Variants in ZDHHC11B observed in about 807,000 individuals in gnomAD.
ZDHHC11B encodes the protein probable palmitoyltransferase ZDHHC11B.
A neutral mutation model predicts 42.3 loss-of-function variants in ZDHHC11B; 17 were observed. The observed-to-expected ratio is 0.40, with a 90% CI of 0.27 to 0.60. The LOEUF (loss-of-function observed/expected upper bound fraction) is 0.60, where lower values mean the gene tolerates loss of function less well. Ranked by LOEUF, ZDHHC11B falls within the 20% of genes least tolerant of loss-of-function variation. The pLI is 0.41. For missense variants in ZDHHC11B, 262 were observed against 463.2 expected, an observed-to-expected ratio of 0.57 and a Z score of 3.99; for synonymous variants, 123 against 193.5, an observed-to-expected ratio of 0.64 and a Z score of 3.02.
At chr5:724,365 C>T (rs893283482) in intron 12 of ZDHHC11B, among the ~76,000 whole-genome samples, 7,375 of 121,506 alleles carry the variant, frequency 0.061, 139 homozygotes, top group East Asian at 0.15. Context: ...CCATCAAACC[C>T]AGCTAATTTT....
At chr5:719,838 G>T (rs1742051953) in intron 12 of ZDHHC11B, among the ~76,000 whole-genome samples, 1 of 151,722 alleles carries the variant, frequency 6.6e-6, no homozygotes, top group African/African-American at 2.4e-5. Flanking sequence ...ATATTAAATG[G>T]AAAATTCCAG....
At position 711,272 on chromosome 5, in the gene ZDHHC11B, C is replaced by T. The variant is rs1211315784; in HGVS notation, c.*1018G>A. On this transcript the variant is annotated 3_prime_UTR_variant, in exon 14 of 14. Transcript: ENST00000508859. ...CTCCCATTTCCTAGTGCTGTGAACTCCCATTTCCCAGTACTGTGCTCCCAA... is the reference window on the plus strand; with the variant it reads ...CTCCCATTTCCTAGTGCTGTGAACTTCCATTTCCCAGTACTGTGCTCCCAA... The T allele has an allele frequency of 6.4e-6, 1 of 155,048 alleles. No individual in the cohort carries two copies. Among genetic ancestry groups the T allele is most frequent in the Non-Finnish European group, 1.4e-5 (1 of 69,312 alleles). 9.6% of individuals were successfully genotyped at this position (155,048 alleles called of 1,614,324 possible). A position where few individuals can be genotyped will look rare whatever the true frequency, so the allele number is the denominator to read the frequency against.
chr5:738,883 T>C (rs1743829559), intron 10 of ZDHHC11B, among the ~76,000 whole-genome samples: 1 of 151,032 alleles, frequency 6.6e-6, no homozygotes, highest in African/African-American at 2.4e-5. Flanking sequence ...AAAGAGCTCA[T>C]GACGAAGAAT....
At chr5:764,598 C>T (rs898900753) in intron 4 of ZDHHC11B, among the ~76,000 whole-genome samples, 4 of 151,930 alleles carry the variant, frequency 2.6e-5, no homozygotes, top group South Asian at 2.1e-4. Context: ...TGCCTCCCTG[C>T]GGGGCAGGGC....
chr5:734,021 C>G (rs7732653), intron 10 of ZDHHC11B, among the ~76,000 whole-genome samples, 182 bp from the exon 11 acceptor site: 9 of 144,172 alleles, frequency 6.2e-5, no homozygotes, highest in African/African-American at 2.4e-4. Context: ...TGCAGTGGCA[C>G]ACGTAAGAAG....
At chr5:776,580 G>A (rs753092891) in intron 1 of ZDHHC11B, among the ~76,000 whole-genome samples, 3 of 151,832 alleles carry the variant, frequency 2.0e-5, no homozygotes, top group Non-Finnish European at 2.9e-5. Context: ...ACAGCTCTCA[G>A]CTCGAGACCC....
intron 1 of ZDHHC11B, among the ~76,000 whole-genome samples, chr5:774,575 G>A (rs1321571524): frequency 2.8e-5 from 1 of 35,488 alleles, no homozygotes; most frequent in Non-Finnish European, 6.7e-5. Flanking sequence ...TACGGCCTGG[G>A]GTCTGTCACT....
In ZDHHC11B at chr5:739,106, A is replaced by C. The variant is rs1312837145; in HGVS notation, c.935+2488T>G. Among the ~76,000 whole-genome samples the C allele has an allele frequency of 8.8e-4, 132 of 150,488 alleles. 5 individuals carry two copies. Among genetic ancestry groups the C allele is most frequent in the African/African-American group, 2.8e-3 (112 of 40,444 alleles). On this transcript the variant is annotated intron_variant, in intron 10 of 13. Coordinates refer to ENST00000508859, the MANE Select transcript of ZDHHC11B (RefSeq NM_001351303.2). ...ACTCAAACAAATCCGCAAAAAAAAAACAAATCATCCAATTGGGTGTGGTGG... is the reference window on the plus strand; with the variant it reads ...ACTCAAACAAATCCGCAAAAAAAAACCAAATCATCCAATTGGGTGTGGTGG...
At chr5:744,081 A>G (rs1415133304) in intron 9 of ZDHHC11B, among the ~76,000 whole-genome samples, 1 of 149,844 alleles carries the variant, frequency 6.7e-6, no homozygotes. Context: ...ATTGATTGGC[A>G]TGATTGCGTG....
chr5:730,830 C>T (rs1272187783), intron 11 of ZDHHC11B, among the ~76,000 whole-genome samples: 3 of 151,858 alleles, frequency 2.0e-5, no homozygotes, highest in South Asian at 2.1e-4. Flanking sequence ...GAGATTATAA[C>T]AAAGACACAG....
intron 4 of ZDHHC11B, among the ~76,000 whole-genome samples, chr5:756,476 G>C (rs1265739064): frequency 1.3e-5 from 2 of 151,730 alleles, no homozygotes; most frequent in Admixed American, 1.3e-4. Context: ...GTGCCAGTCG[G>C]GGACCGGGAA....
intron 12 of ZDHHC11B, among the ~76,000 whole-genome samples, chr5:728,512 C>T (rs1742761340): frequency 6.6e-6 from 1 of 151,868 alleles, no homozygotes; most frequent in South Asian, 2.1e-4. Context: ...GGTATATGCA[C>T]ATCATGAGAG....
At chr5:756,274 C>T (rs1428656044) in intron 4 of ZDHHC11B, 130 bp from the exon 5 acceptor site, 1 of 1,367,862 alleles carries the variant, frequency 7.3e-7, no homozygotes, top group African/African-American at 1.4e-5. Flanking sequence ...CACACGTGAG[C>T]CCAGCTCACC....
intron 1 of ZDHHC11B, among the ~76,000 whole-genome samples, chr5:778,105 G>A (rs1446906948): frequency 5.3e-5 from 8 of 151,916 alleles, no homozygotes; most frequent in African/African-American, 1.5e-4. Context: ...AGGACGCTGC[G>A]GCGGAGACTG....
At chr5:716,156 C>A (rs1427214356) in intron 13 of ZDHHC11B, among the ~76,000 whole-genome samples, 1 of 151,120 alleles carries the variant, frequency 6.6e-6, no homozygotes, top group Non-Finnish European at 1.5e-5. Flanking sequence ...AATCATGTCT[C>A]ATGTTTCTTA....
Position 733,789 on chromosome 5 carries a change from C to T in ZDHHC11B, c.986G>A (p.Cys329Tyr). 2 of 1,610,600 alleles carry T rather than the reference C, an allele frequency of 1.2e-6. No homozygotes were observed. The highest frequency in any genetic ancestry group is 2.7e-5 in the African/African-American group (2 of 73,556). ...LLIYKCPCHF[C>Y]TSVNQDGDSK... is the part of the protein sequence containing the mutation. ...ATCCCCGTCCTGGTTTACTGAAGTG[C>T]AGAAGTGACATGGGCATTTGTAAAT... The change falls in exon 11 of 14, where the codon TGC becomes TAC. Residue 329 changes from cysteine (C) to tyrosine (Y), a missense_variant. By Grantham distance (194) the Cys-to-Tyr change is radical. This residue lies in a region of ZDHHC11B where 75 missense variants were observed against 70.1 expected (regional missense o/e 1.07). Transcript: ENST00000508859.
At chr5:757,556 AG>A (rs1358967917) in intron 4 of ZDHHC11B, among the ~76,000 whole-genome samples, 3 of 151,852 alleles carry the variant, frequency 2.0e-5, no homozygotes, top group African/African-American at 7.3e-5. Flanking sequence ...TTCCCTGATG[AG>A]GGTCCCGTAA....
In ZDHHC11B at chr5:767,375, C is replaced by G. The variant is rs1735598145; in HGVS notation, c.-1+17G>C. ...AAGCTGGACAGCAGCCAAGGGCTCCCCGGGGCCAACACCTGCCTCGGCGCA... is the reference window on the plus strand; with the variant it reads ...AAGCTGGACAGCAGCCAAGGGCTCCGCGGGGCCAACACCTGCCTCGGCGCA... On this transcript the variant is annotated intron_variant, in intron 3 of 13. Transcript: ENST00000508859. The G allele has an allele frequency of 6.4e-7, 1 of 1,562,288 alleles. No homozygotes were observed. The highest frequency in any genetic ancestry group is 1.7e-5 in the Admixed American group (1 of 57,848).
At chr5:777,107 T>A (rs1319969698) in intron 1 of ZDHHC11B, among the ~76,000 whole-genome samples, 1 of 151,896 alleles carries the variant, frequency 6.6e-6, no homozygotes, top group Non-Finnish European at 1.5e-5. Context: ...GTGTCACAGT[T>A]CTTAAAGATG....
Sources: gnomAD v4.1 joint callset for allele counts (sites outside exome capture counted in the v4.1 genomes callset) on GRCh38, gnomAD v4.1.1 for gene constraint, gnomAD v4.1.1 regional missense constraint, MANE v1.5 for transcripts, NCBI Gene and HGNC (gene_info 2026-07-23, HGNC 2026-07-21) for gene names.